The following LGR5 variants were observed in gnomAD, a reference collection of about 807,000 sequenced individuals.
LGR5 encodes leucine-rich repeat-containing G protein-coupled receptor 5.
Under a neutral mutation model 76.7 loss-of-function variants are expected in LGR5, and 54 were observed. The observed-to-expected ratio is 0.70, with a 90% CI of 0.57 to 0.88. The LOEUF is 0.88. Among genes scored for constraint, LGR5 ranks in the 40% least tolerant of loss-of-function variants. The pLI, the probability that LGR5 is intolerant of heterozygous loss-of-function variation, is 0.00. For missense variants in LGR5, 1,078 were observed against 1,073.3 expected (o/e 1.00, Z -0.06); for synonymous variants, 406 against 421.9 (o/e 0.96, Z 0.46).
chr12:71,500,534 C>A (rs1377327579), intron 1 of LGR5, among the ~76,000 whole-genome samples: 2 of 152,182 alleles, frequency 1.3e-5, no homozygotes, highest in Non-Finnish European at 2.9e-5. Context: ...ACCTCCCAGG[C>A]TCAGGTGATC....
intron 3 of LGR5, among the ~76,000 whole-genome samples, chr12:71,525,923 A>G (rs932269327): frequency 3.3e-5 from 5 of 151,586 alleles, no homozygotes; most frequent in African/African-American, 1.2e-4. Context: ...TATATTTTAT[A>G]TTAATAGTTA....
At chr12:71,445,352 C>G (rs1871939042) in intron 1 of LGR5, among the ~76,000 whole-genome samples, 1 of 152,188 alleles carries the variant, frequency 6.6e-6, no homozygotes, top group Non-Finnish European at 1.5e-5. Flanking sequence ...AGCTGAGTAT[C>G]TAGTCCTGTT....
intron 4 of LGR5, among the ~76,000 whole-genome samples, chr12:71,541,061 T>C (rs1313892522): frequency 6.6e-6 from 1 of 152,210 alleles, no homozygotes; most frequent in African/African-American, 2.4e-5. Flanking sequence ...AGCATTTGTC[T>C]ATTGCACAGT....
At chr12:71,551,707 G>T (rs1394060033) in intron 4 of LGR5, among the ~76,000 whole-genome samples, 1 of 152,114 alleles carries the variant, frequency 6.6e-6, no homozygotes, top group African/African-American at 2.4e-5. Flanking sequence ...TTGGACTGGG[G>T]CAAAATAAAT....
At chr12:71,476,546 T>C (rs997001540) in intron 1 of LGR5, among the ~76,000 whole-genome samples, 1 of 152,200 alleles carries the variant, frequency 6.6e-6, no homozygotes, top group African/African-American at 2.4e-5. Context: ...CTGAATACTT[T>C]TTTGTCTCAG....
intron 1 of LGR5, among the ~76,000 whole-genome samples, chr12:71,478,498 A>AG (rs1419810206): frequency 6.6e-6 from 1 of 152,214 alleles, no homozygotes; most frequent in African/African-American, 2.4e-5. Context: ...AACCTTGGTT[A>AG]AATTGAATGG....
rs987776392 is a variant in LGR5, at chr12:71,440,968, C to T, written c.212+676C>T. ...AACGTTATCTTTACCTTTGGCTGCC[C>T]GCGCCGCCCTTTGAAGTGCCCGCGG... On this transcript the variant is annotated intron_variant, in intron 1 of 17. Transcript: ENST00000266674. This position sits in a 1 kb window ranked among gnomAD's most constrained non-coding sequence, Gnocchi z 5.3. 1.3e-5 allele frequency among the ~76,000 whole-genome samples: 2 copies of T among 152,090 alleles called. No homozygotes were observed. Among genetic ancestry groups the T allele is most frequent in the African/African-American group, 2.4e-5 (1 of 41,412 alleles).
intron 1 of LGR5, among the ~76,000 whole-genome samples, chr12:71,497,781 C>T (rs1398004154): frequency 6.6e-6 from 1 of 152,166 alleles, no homozygotes; most frequent in South Asian, 2.1e-4. Flanking sequence ...CACTGTGCTG[C>T]TAAAGATGTA....
At chr12:71,474,303 T>G (rs7306964) in intron 1 of LGR5, among the ~76,000 whole-genome samples, 6,089 of 152,218 alleles carry the variant, frequency 0.04, 383 homozygotes, top group African/African-American at 0.13. Context: ...AATCCCACAG[T>G]TTTCACTCAT....
intron 2 of LGR5, among the ~76,000 whole-genome samples, chr12:71,515,677 C>G (rs991856876): frequency 1.3e-5 from 2 of 152,162 alleles, no homozygotes; most frequent in African/African-American, 4.8e-5. Flanking sequence ...CATCAAATTT[C>G]TAGAAGAAAT....
Position 71,578,882 on chromosome 12 carries a change from T to C in LGR5, c.1359T>C (p.Asn453=). The C allele has an allele frequency of 6.2e-7, 1 of 1,612,932 alleles. No individual in the cohort carries two copies. Among genetic ancestry groups the C allele is most frequent in the East Asian group, 2.2e-5 (1 of 44,842 alleles). Residue 453 remains asparagine (N), a synonymous_variant, in exon 15 of 18, where the codon AAT becomes AAC. Transcript: ENST00000266674. ...TAACTCACTTAAAATTAACAGGAAA[T>C]CATGCCTTACAGAGCTTGATATCAT... is the stretch of plus-strand genomic sequence containing the variant. ...HGLTHLKLTG[N]HALQSLISSE... is the part of the protein sequence containing the mutation.
At chr12:71,477,781 A>G (rs753697099) in intron 1 of LGR5, among the ~76,000 whole-genome samples, 26 of 152,254 alleles carry the variant, frequency 1.7e-4, no homozygotes, top group Non-Finnish European at 3.1e-4. Context: ...GCATGCCCCA[A>G]CTCTAGGGCA....
intron 1 of LGR5, among the ~76,000 whole-genome samples, chr12:71,471,543 A>G (rs1873102273): frequency 6.6e-6 from 1 of 152,206 alleles, no homozygotes; most frequent in African/African-American, 2.4e-5. Flanking sequence ...GATTTTGGTA[A>G]TGGTTGGAGA....
chr12:71,514,105 A>C (rs1446574701), intron 2 of LGR5, among the ~76,000 whole-genome samples: 1 of 151,246 alleles, frequency 6.6e-6, no homozygotes, highest in Non-Finnish European at 1.5e-5. Context: ...ACAACAACAA[A>C]AACAAACAAA....
chr12:71,439,216 G>A (rs1334078407), upstream of LGR5, among the ~76,000 whole-genome samples: 4 of 152,224 alleles, frequency 2.6e-5, no homozygotes, highest in Non-Finnish European at 5.9e-5. Context: ...TTAGCCTAGA[G>A]CTTTGATTTT....
At chr12:71,550,512 G>T (rs1160689263) in intron 4 of LGR5, among the ~76,000 whole-genome samples, 1 of 138,644 alleles carries the variant, frequency 7.2e-6, no homozygotes, top group African/African-American at 2.7e-5. Flanking sequence ...CCAGGCTGGA[G>T]TGCAGTGGCA....
chr12:71,460,929 A>G (rs979030493), intron 1 of LGR5, among the ~76,000 whole-genome samples: 5 of 152,212 alleles, frequency 3.3e-5, no homozygotes, highest in African/African-American at 1.2e-4. Flanking sequence ...CTAGGCTGTT[A>G]TCTTGAAACT....
Position 71,571,535 on chromosome 12 carries a change from A to G in LGR5, c.1092A>G (p.Leu364=). Residue 364 remains leucine (L), a synonymous_variant, in exon 12 of 18, where the codon TTA becomes TTG. Transcript: ENST00000266674. ...LQVLDLSYNL[L]EDLPSFSVCQ... The stretch of plus-strand genomic sequence containing the variant: ...TCAGAGATCTGTCTTACAACCTATT[A>G]GAAGATTTACCCAGTTTTTCAGTCT... 6.2e-7 allele frequency: 1 copy of G among 1,613,056 alleles called. No individual in the cohort carries two copies. The highest frequency in any genetic ancestry group is 8.5e-7 in the Non-Finnish European group (1 of 1,179,278).
At position 71,559,658 on chromosome 12, in the gene LGR5, A is replaced by G. The variant is rs76164534; in HGVS notation, c.785+4A>G. ...CACTCTCCAACCTTAAAGAACTGTA[A>G]GTATTTAGGACAATTTTAATGGGAG... On this transcript the variant is annotated splice_donor_region_variant and intron_variant, in intron 7 of 17. Coordinates refer to ENST00000266674, the MANE Select transcript of LGR5 (RefSeq NM_003667.4). 1 of 1,453,198 alleles carries G rather than the reference A, an allele frequency of 6.9e-7. No individual in the cohort carries two copies. Among genetic ancestry groups the G allele is most frequent in the Non-Finnish European group, 9.7e-7 (1 of 1,036,098 alleles). 90.0% of individuals were successfully genotyped at this position (1,453,198 alleles called of 1,614,324 possible). A position where few individuals can be genotyped will look rare whatever the true frequency, so the allele number is the denominator to read the frequency against.
Sources: allele counts gnomAD v4.1 joint callset (sites outside exome capture counted in the v4.1 genomes callset), GRCh38; gene constraint gnomAD v4.1.1; non-coding constraint Gnocchi (gnomAD v3.1); transcripts MANE v1.5; gene names NCBI Gene and HGNC (gene_info 2026-07-23, HGNC 2026-07-21).